The following TMEM63C variants were observed in gnomAD, a reference collection of about 807,000 sequenced individuals.
TMEM63C encodes the protein transmembrane protein 63C, also known as osmosensitive cation channel TMEM63C.
Under a neutral mutation model 99.2 loss-of-function variants are expected in TMEM63C, and 32 were observed. The observed-to-expected ratio is 0.32, with a 90% CI of 0.24 to 0.43. TMEM63C has a LOEUF of 0.43. TMEM63C is among the 20% of genes least tolerant of loss of function. The pLI is 1.00. For synonymous variants in TMEM63C, 376 were observed against 397.9 expected (o/e 0.94, Z 0.66); for missense variants, 826 against 1,053.0 (o/e 0.78, Z 2.98).
intron 16 of TMEM63C, among the ~76,000 whole-genome samples, chr14:77,245,718 A>C (rs1254562415): frequency 6.6e-6 from 1 of 152,216 alleles, no homozygotes; most frequent in Non-Finnish European, 1.5e-5. Context: ...CTTATTCGCT[A>C]TCATGAGAAC....
chr14:77,242,537 G>T, intron 14 of TMEM63C, 68 bp downstream of exon 14: 1 of 1,578,400 alleles, frequency 6.3e-7, no homozygotes. Flanking sequence ...GCAGGACAGG[G>T]CCTTCTCTCC....
chr14:77,191,409 C>T (rs1888102029), intron 1 of TMEM63C, among the ~76,000 whole-genome samples: 1 of 151,936 alleles, frequency 6.6e-6, no homozygotes, highest in South Asian at 2.1e-4. Context: ...TCCGTATGTG[C>T]TTGAGATAAT....
At chr14:77,245,719 T>C (rs1199358228) in intron 16 of TMEM63C, among the ~76,000 whole-genome samples, 2 of 152,178 alleles carry the variant, frequency 1.3e-5, no homozygotes, top group African/African-American at 2.4e-5. Flanking sequence ...TTATTCGCTA[T>C]CATGAGAACG....
intron 1 of TMEM63C, among the ~76,000 whole-genome samples, chr14:77,194,557 T>TTTTCTTTCTTTCTTTTTCTTTCTTTCTG (rs1555346144): frequency 1.7e-5 from 2 of 118,570 alleles, no homozygotes; most frequent in African/African-American, 6.9e-5. Flanking sequence ...TTCTTTCTCT[T>TTTTCTTTCTTTCTTTTTCTTTCTTTCTG]TCTTTCTTTC....
In TMEM63C at chr14:77,245,880, T is replaced by G. The variant is rs1046645694; in HGVS notation, c.1449-60T>G. The G allele has an allele frequency of 1.5e-5, 18 of 1,213,396 alleles. No individual in the cohort carries two copies. In the Admixed American group the frequency reaches 2.9e-4, roughly 19 times the overall value. 75.2% of individuals were successfully genotyped at this position (1,213,396 alleles called of 1,614,324 possible). A position where few individuals can be genotyped will look rare whatever the true frequency, so the allele number is the denominator to read the frequency against. On this transcript the variant is annotated intron_variant, in intron 16 of 23. Transcript: ENST00000298351. Reference sequence around the variant, plus strand: ...TCTCTCTTCCTCTCTATTACATAGTTAGGCCTTTGGTTCTTATTAGGCCAC... The same window carrying G: ...TCTCTCTTCCTCTCTATTACATAGTGAGGCCTTTGGTTCTTATTAGGCCAC...
intron 6 of TMEM63C, among the ~76,000 whole-genome samples, chr14:77,227,330 T>A (rs1395540390): frequency 6.6e-6 from 1 of 151,616 alleles, no homozygotes; most frequent in East Asian, 1.9e-4. Context: ...GGGAGGGAGA[T>A]CATAAGGCTA....
At chr14:77,213,781 C>A (rs1307679233) in intron 2 of TMEM63C, among the ~76,000 whole-genome samples, 1 of 43,964 alleles carries the variant, frequency 2.3e-5, no homozygotes, top group Non-Finnish European at 4.7e-5. Flanking sequence ...TTGCATCTGG[C>A]TAAACGTGCT....
chr14:77,187,451 C>T (rs1888021884), intron 1 of TMEM63C, among the ~76,000 whole-genome samples: 1 of 152,194 alleles, frequency 6.6e-6, no homozygotes, highest in African/African-American at 2.4e-5. Flanking sequence ...CACCAGGTTC[C>T]GAGGGGCTGA....
intron 13 of TMEM63C, 104 bp downstream of exon 13, chr14:77,240,712 C>T: frequency 7.0e-7 from 1 of 1,422,642 alleles, no homozygotes; most frequent in Admixed American, 2.1e-5. Flanking sequence ...CCCCTGGGCC[C>T]TCCATGCTCG....
intron 1 of TMEM63C, among the ~76,000 whole-genome samples, chr14:77,194,547 TTCTTTC>T (rs1566616303): frequency 0.055 from 1,041 of 19,090 alleles, 64 homozygotes; most frequent in Admixed American, 0.076. Flanking sequence ...CTTTCTTTCT[TTCTTTC>T]TCTTTCTTTC....
At chr14:77,241,967 A>G (rs1889184308) in intron 13 of TMEM63C, among the ~76,000 whole-genome samples, 1 of 152,376 alleles carries the variant, frequency 6.6e-6, no homozygotes, top group East Asian at 1.9e-4. Context: ...GCACACAGAA[A>G]GAACTCAATA....
At chr14:77,255,115 C>T (rs141023940) in intron 23 of TMEM63C, among the ~76,000 whole-genome samples, 4,991 of 152,216 alleles carry the variant, frequency 0.033, 105 homozygotes, top group Non-Finnish European at 0.053. Flanking sequence ...CTCAGCCTCC[C>T]GAGTAGCTGG....
rs185551389 is a variant in TMEM63C, at chr14:77,225,534, T to G, written c.350+73T>G. 173 of 1,526,442 alleles carry G rather than the reference T, an allele frequency of 1.1e-4. 1 individual carries two copies. In the East Asian group the frequency reaches 2.9e-3, roughly 25 times the overall value. The allele number at this position is 1,526,442 out of a possible 1,614,324, so 94.6% of individuals were successfully genotyped here. A position where few individuals can be genotyped will look rare whatever the true frequency, so the allele number is the denominator to read the frequency against. On this transcript the variant is annotated intron_variant, in intron 6 of 23. Coordinates refer to ENST00000298351, the MANE Select transcript of TMEM63C (RefSeq NM_020431.4). The stretch of plus-strand genomic sequence containing the variant: ...GGGGGGTGGAGGCTCCTGGAAAAGT[T>G]AGCAGCCCCCAGCCTGGGAAGACAG...
intron 4 of TMEM63C, 50 bp downstream of exon 4, chr14:77,219,627 G>A (rs1566622725): frequency 6.3e-7 from 1 of 1,591,990 alleles, no homozygotes; most frequent in Admixed American, 1.7e-5. Flanking sequence ...GGGAAAACCT[G>A]TTGCCATGGC....
At position 77,256,509 on chromosome 14, in the gene TMEM63C, G is replaced by C; in HGVS notation, c.2221-17G>C. ...CAACGTGACCTTGCTCCTGTCCCCT[G>C]TCTCTATCCCAAGCAGCTGTATGTG... On this transcript the variant is annotated splice_polypyrimidine_tract_variant and intron_variant, in intron 23 of 23. Coordinates refer to ENST00000298351, the MANE Select transcript of TMEM63C (RefSeq NM_020431.4). The C allele has an allele frequency of 2.5e-6, 4 of 1,613,732 alleles. No homozygotes were observed. Among genetic ancestry groups the C allele is most frequent in the Non-Finnish European group, 3.4e-6 (4 of 1,179,824 alleles).
chr14:77,227,043 C>A (rs1888841420), intron 6 of TMEM63C, among the ~76,000 whole-genome samples: 2 of 152,220 alleles, frequency 1.3e-5, no homozygotes, highest in Admixed American at 1.3e-4. Flanking sequence ...GCTGGGATTA[C>A]AGGCATGAGC....
intron 1 of TMEM63C, among the ~76,000 whole-genome samples, chr14:77,193,987 A>G (rs1234028130): frequency 6.6e-6 from 1 of 152,206 alleles, no homozygotes; most frequent in African/African-American, 2.4e-5. Context: ...GCAACAGAGT[A>G]TGACGCTGTC....
At chr14:77,190,314 GATC>G (rs1458967977) in intron 1 of TMEM63C, among the ~76,000 whole-genome samples, 1 of 152,132 alleles carries the variant, frequency 6.6e-6, no homozygotes, top group African/African-American at 2.4e-5. Context: ...CTAAGGTTCA[GATC>G]ACTTCTAGTT....
chr14:77,254,243 G>A (rs931505513), intron 23 of TMEM63C, among the ~76,000 whole-genome samples: 5 of 152,202 alleles, frequency 3.3e-5, no homozygotes, highest in Non-Finnish European at 4.4e-5. Context: ...GTGGAAATGC[G>A]GAGTGGGCGG....
Sources: gnomAD v4.1 joint callset for allele counts (sites outside exome capture counted in the v4.1 genomes callset) on GRCh38, gnomAD v4.1.1 for gene constraint, MANE v1.5 for transcripts, NCBI Gene and HGNC (gene_info 2026-07-23, HGNC 2026-07-21) for gene names.